Variants in SNCAIP observed in about 807,000 individuals in gnomAD.
The protein encoded by SNCAIP is synuclein alpha interacting protein.
SNCAIP carries 43 observed loss-of-function variants against 86.7 expected under a neutral mutation model. The ratio of observed to expected loss-of-function variants is 0.50; its 90% CI spans 0.39 to 0.64. The LOEUF (loss-of-function observed/expected upper bound fraction) is 0.64. SNCAIP is among the 30% of genes least tolerant of loss of function. The pLI is 0.00. For missense variants in SNCAIP, 981 were observed against 1,103.1 expected, an observed-to-expected ratio of 0.89 and a Z score of 1.57; for synonymous variants, 417 against 427.2, an observed-to-expected ratio of 0.98 and a Z score of 0.29.
chr5:122,390,741 C>A (rs1769169852), intron 1 of SNCAIP, among the ~76,000 whole-genome samples: 1 of 152,168 alleles, frequency 6.6e-6, no homozygotes, highest in Non-Finnish European at 1.5e-5. Flanking sequence ...TTTCCCAAAG[C>A]CCTGCCTTTT....
chr5:122,392,537 G>A lies in SNCAIP; in HGVS notation c.57+1346G>A, dbSNP rs891139849. On this transcript the variant is annotated intron_variant, in intron 2 of 10. Transcript: ENST00000261368. ...TGGGAAAAAGCAAGGAATGTGAATGGTAGCATGGGTGTATGTAGGTAGGAT... is the reference window on the plus strand; with the variant it reads ...TGGGAAAAAGCAAGGAATGTGAATGATAGCATGGGTGTATGTAGGTAGGAT... Among the ~76,000 whole-genome samples the A allele has an allele frequency of 2.6e-5, 4 of 152,146 alleles. No homozygotes were observed. In the East Asian group the frequency reaches 7.7e-4, roughly 29 times the overall value.
intron 1 of SNCAIP, among the ~76,000 whole-genome samples, chr5:122,326,616 T>A (rs1391984459): frequency 1.5e-5 from 2 of 137,104 alleles, no homozygotes; most frequent in South Asian, 5.0e-4. Context: ...CTTTTTTTTT[T>A]TTTTTTTTTT....
chr5:122,425,309 C>G (rs1364221730), intron 4 of SNCAIP, 43 bp from the exon 5 acceptor site: 1 of 1,510,416 alleles, frequency 6.6e-7, no homozygotes, highest in African/African-American at 1.4e-5. Flanking sequence ...GGGTCTTGCT[C>G]TGATTTATTG....
At chr5:122,410,072 TA>T in intron 3 of SNCAIP, among the ~76,000 whole-genome samples, 1 of 152,082 alleles carries the variant, frequency 6.6e-6, no homozygotes, top group Non-Finnish European at 1.5e-5. Flanking sequence ...TTAACTAGAG[TA>T]AAAATTTACA....
At position 122,454,957 on chromosome 5, in the gene SNCAIP, AC is replaced by A. The variant is rs564718525; in HGVS notation, c.2754+3357del. Among the ~76,000 whole-genome samples the A allele has an allele frequency of 1.7e-3, 261 of 152,306 alleles. 1 individual carries two copies. Among genetic ancestry groups the A allele is most frequent in the African/African-American group, 5.3e-3 (222 of 41,560 alleles). ...TACTCAGTTATCTGATGCTAGGTTA[AC>A]ACTTTCCTTCTCTAAGCTTAAGGAA... is the stretch of plus-strand genomic sequence containing the variant. On this transcript the variant is annotated intron_variant, in intron 10 of 10. Coordinates refer to ENST00000261368, the MANE Select transcript of SNCAIP (RefSeq NM_005460.4).
At chr5:122,321,021 C>T (rs756742864) in intron 1 of SNCAIP, among the ~76,000 whole-genome samples, 6 of 152,016 alleles carry the variant, frequency 3.9e-5, no homozygotes, top group Non-Finnish European at 7.4e-5. Flanking sequence ...GCCCTGAGAC[C>T]GCCTCCCCAG....
intron 10 of SNCAIP, among the ~76,000 whole-genome samples, chr5:122,456,111 A>T (rs997423530): frequency 6.6e-6 from 1 of 152,230 alleles, no homozygotes; most frequent in East Asian, 1.9e-4. Context: ...GGCCACCACC[A>T]GTAACACCCA....
chr5:122,332,777 G>A (rs1334482838), intron 1 of SNCAIP, among the ~76,000 whole-genome samples: 1 of 152,180 alleles, frequency 6.6e-6, no homozygotes, highest in African/African-American at 2.4e-5. Flanking sequence ...TGGAGGGAGA[G>A]CAGGCAGCAG....
chr5:122,389,356 A>G (rs974705874), intron 1 of SNCAIP: 1 of 152,212 alleles, frequency 6.6e-6, no homozygotes, highest in Admixed American at 6.5e-5. Context: ...CCGTGGGAAC[A>G]GAGTCTGTAA....
intron 1 of SNCAIP, among the ~76,000 whole-genome samples, chr5:122,362,756 C>G (rs999281232): frequency 6.6e-6 from 1 of 152,086 alleles, no homozygotes; most frequent in Non-Finnish European, 1.5e-5. Context: ...CTGAACTGAG[C>G]GTGAACTACA....
At chr5:122,428,758 A>G (rs968511465) in intron 5 of SNCAIP, among the ~76,000 whole-genome samples, 2 of 148,734 alleles carry the variant, frequency 1.3e-5, no homozygotes. Flanking sequence ...CCCACCCCAC[A>G]ACAGGCCCCA....
intron 1 of SNCAIP, among the ~76,000 whole-genome samples, chr5:122,376,207 C>A (rs1050703622): frequency 6.6e-6 from 1 of 152,044 alleles, no homozygotes; most frequent in African/African-American, 2.4e-5. Context: ...CAGAATGAAG[C>A]CAAGATAACT....
At chr5:122,321,207 G>A (rs1752863134) in intron 1 of SNCAIP, 1 of 152,148 alleles carries the variant, frequency 6.6e-6, no homozygotes, top group Non-Finnish European at 1.5e-5. Context: ...ACCCAATATA[G>A]CCAAAATGGT....
At chr5:122,340,448 G>A (rs1044451268) in intron 1 of SNCAIP, among the ~76,000 whole-genome samples, 8 of 152,080 alleles carry the variant, frequency 5.3e-5, no homozygotes, top group Non-Finnish European at 1.2e-4. Flanking sequence ...ATAAGTAGAA[G>A]AGAGTGAAAA....
chr5:122,352,190 A>G (rs975499247), intron 1 of SNCAIP, among the ~76,000 whole-genome samples: 2 of 152,204 alleles, frequency 1.3e-5, no homozygotes, highest in African/African-American at 4.8e-5. Flanking sequence ...TTGTGTTATC[A>G]GTTCTACATT....
intron 1 of SNCAIP, among the ~76,000 whole-genome samples, chr5:122,331,439 G>A (rs575408450): frequency 6.6e-6 from 1 of 152,246 alleles, no homozygotes; most frequent in South Asian, 2.1e-4. Context: ...TATTTTCAAT[G>A]TACAAATATT....
intron 1 of SNCAIP, among the ~76,000 whole-genome samples, chr5:122,384,860 CT>C (rs1175020134): frequency 6.6e-6 from 1 of 152,206 alleles, no homozygotes. Context: ...CTGACAATCC[CT>C]GTTTATCACC....
intron 2 of SNCAIP, among the ~76,000 whole-genome samples, chr5:122,392,365 T>C (rs947541933): frequency 6.6e-6 from 1 of 152,168 alleles, no homozygotes; most frequent in Non-Finnish European, 1.5e-5. Context: ...TCCCATGATA[T>C]ATTTTTGTCT....
intron 1 of SNCAIP, among the ~76,000 whole-genome samples, chr5:122,352,348 A>G (rs1279207841): frequency 6.6e-6 from 1 of 152,168 alleles, no homozygotes; most frequent in East Asian, 1.9e-4. Context: ...TTATATTATT[A>G]GAGTTTCTAT....
Sources: gnomAD v4.1 joint callset for allele counts (sites outside exome capture counted in the v4.1 genomes callset) on GRCh38, gnomAD v4.1.1 for gene constraint, MANE v1.5 for transcripts, NCBI Gene and HGNC (gene_info 2026-07-23, HGNC 2026-07-21) for gene names.